Variants in RANBP2 observed in about 807,000 individuals in gnomAD.
The protein encoded by RANBP2 is E3 SUMO-protein ligase RanBP2.
In RANBP2, 57 loss-of-function variants were observed where a neutral mutation model predicts 303.6. The ratio of observed to expected loss-of-function variants is 0.19; its 90% CI spans 0.15 to 0.23. RANBP2 has a LOEUF of 0.23. RANBP2 is among the 10% of genes least tolerant of loss of function. The pLI is 1.00. For synonymous variants in RANBP2, 1,167 were observed against 1,301.5 expected, an observed-to-expected ratio of 0.90 and a Z score of 2.23; for missense variants, 3,138 against 3,780.8, an observed-to-expected ratio of 0.83 and a Z score of 4.46.
the RANBP2 span, among the ~76,000 whole-genome samples, chr2:109,217,571 A>C: frequency 6.6e-6 from 1 of 152,186 alleles, no homozygotes; most frequent in African/African-American, 2.4e-5. Context: ...ATTTTTCTCT[A>C]CCAGGACCTA....
At chr2:109,455,834 A>G in the RANBP2 span, among the ~76,000 whole-genome samples, 1 of 152,216 alleles carries the variant, frequency 6.6e-6, no homozygotes, top group African/African-American at 2.4e-5. Context: ...AGTGACAGCT[A>G]CACTCTGCTG....
intron 1 of RANBP2, among the ~76,000 whole-genome samples, chr2:108,721,600 C>T (rs972232381): frequency 5.9e-5 from 9 of 152,038 alleles, no homozygotes; most frequent in African/African-American, 2.2e-4. Flanking sequence ...CCACCACACC[C>T]GCTGTTTTGT....
chr2:108,794,767 T>G, the RANBP2 span: 20 of 1,426,180 alleles, frequency 1.4e-5, no homozygotes, highest in East Asian at 4.7e-4. Context: ...ATTTATGTTC[T>G]AAGAACCAAG....
chr2:108,956,927 T>A, the RANBP2 span, among the ~76,000 whole-genome samples: 1 of 152,172 alleles, frequency 6.6e-6, no homozygotes, highest in South Asian at 2.1e-4. Context: ...TAGCTGGGAT[T>A]ACAGGCACCT....
At chr2:108,815,479 T>TTG in the RANBP2 span, among the ~76,000 whole-genome samples, 4 of 144,272 alleles carry the variant, frequency 2.8e-5, no homozygotes, top group African/African-American at 1.0e-4. Context: ...TTTTTTTTTT[T>TTG]TTTTTGAGAT....
At chr2:108,914,100 A>C in the RANBP2 span, among the ~76,000 whole-genome samples, 2 of 151,968 alleles carry the variant, frequency 1.3e-5, no homozygotes, top group Non-Finnish European at 2.9e-5. Flanking sequence ...ATCTCTACTG[A>C]ATACAAAAAA....
chr2:109,174,781 G>T, the RANBP2 span, among the ~76,000 whole-genome samples: 1 of 152,224 alleles, frequency 6.6e-6, no homozygotes, highest in African/African-American at 2.4e-5. Flanking sequence ...ACTCGCTGGA[G>T]CCCTGCTGGC....
At chr2:109,102,332 C>T in the RANBP2 span, among the ~76,000 whole-genome samples, 34 of 151,860 alleles carry the variant, frequency 2.2e-4, no homozygotes, top group East Asian at 4.9e-3. Flanking sequence ...GATCTTCAGA[C>T]CTCGTGATCC....
chr2:109,194,051 C>T, the RANBP2 span, among the ~76,000 whole-genome samples: 2 of 152,190 alleles, frequency 1.3e-5, no homozygotes, highest in African/African-American at 2.4e-5. Flanking sequence ...TGTGTGTGTG[C>T]ACAGTGTGCC....
At chr2:109,612,237 T>C in the RANBP2 span, among the ~76,000 whole-genome samples, 2 of 152,146 alleles carry the variant, frequency 1.3e-5, no homozygotes, top group Non-Finnish European at 2.9e-5. Context: ...GATTCCATTA[T>C]ATAAGTCTTG....
the RANBP2 span, chr2:109,613,976 G>A: frequency 8.3e-7 from 1 of 1,200,038 alleles, no homozygotes; most frequent in East Asian, 3.4e-5. Context: ...GACAGGGGCG[G>A]GGCCGAGCTG....
chr2:109,606,392 C>T, the RANBP2 span, among the ~76,000 whole-genome samples: 37 of 151,906 alleles, frequency 2.4e-4, no homozygotes, highest in Non-Finnish European at 5.0e-4. Context: ...TCCAGTCTGG[C>T]GACAAAGCAA....
chr2:109,365,025 AG>A, the RANBP2 span, among the ~76,000 whole-genome samples: 1 of 151,328 alleles, frequency 6.6e-6, no homozygotes, highest in Non-Finnish European at 1.5e-5. Flanking sequence ...TGTCTCAAAA[AG>A]AAACACAGAC....
At chr2:109,426,111 G>A in the RANBP2 span, among the ~76,000 whole-genome samples, 1 of 152,176 alleles carries the variant, frequency 6.6e-6, no homozygotes, top group African/African-American at 2.4e-5. Context: ...TTTTCGCCAT[G>A]TTGGCCAGGC....
At chr2:109,420,688 G>A in the RANBP2 span, among the ~76,000 whole-genome samples, 1 of 152,092 alleles carries the variant, frequency 6.6e-6, no homozygotes, top group Non-Finnish European at 1.5e-5. Context: ...CTCGTGATCC[G>A]CCCGCCTTGG....
chr2:109,107,529 A>C, the RANBP2 span, among the ~76,000 whole-genome samples: 2 of 152,176 alleles, frequency 1.3e-5, no homozygotes, highest in East Asian at 3.9e-4. Context: ...AGCTGGGTTG[A>C]ATCAAGTCTA....
the RANBP2 span, among the ~76,000 whole-genome samples, chr2:108,888,403 C>A: frequency 7.1e-4 from 108 of 152,162 alleles, 1 homozygote; most frequent in African/African-American, 2.4e-3. Flanking sequence ...AAGGAGAATT[C>A]TCTTCTCTTC....
the RANBP2 span, among the ~76,000 whole-genome samples, chr2:109,364,062 A>C: frequency 1.5e-3 from 229 of 150,402 alleles, 3 homozygotes; most frequent in African/African-American, 5.5e-3. Flanking sequence ...GTTCCTTTCT[A>C]TCTTTCTTCT....
chr2:109,312,194 C>G, the RANBP2 span, among the ~76,000 whole-genome samples: 4 of 152,268 alleles, frequency 2.6e-5, no homozygotes, highest in Admixed American at 2.0e-4. Context: ...AAATCTTACA[C>G]AATCTTACAC....
Sources: allele counts gnomAD v4.1 joint callset (sites outside exome capture counted in the v4.1 genomes callset), GRCh38; gene constraint gnomAD v4.1.1; transcripts MANE v1.5; gene names NCBI Gene and HGNC (gene_info 2026-07-23, HGNC 2026-07-21).